MBD5: variants seen among roughly 807,000 people sequenced by gnomAD.
MBD5 encodes methyl-CpG binding domain protein 5.
MBD5 carries 13 observed loss-of-function variants against 117.3 expected under a neutral mutation model. The observed-to-expected ratio is 0.11, with a 90% CI of 0.07 to 0.18. The LOEUF is 0.18. MBD5 is among the 10% of genes least tolerant of loss of function. The pLI, the probability that MBD5 is intolerant of heterozygous loss-of-function variation, is 1.00. For synonymous variants in MBD5, 727 were observed against 766.4 expected, an observed-to-expected ratio of 0.95 and a Z score of 0.85; for missense variants, 1,879 against 2,093.8, an observed-to-expected ratio of 0.90 and a Z score of 2.00.
In MBD5 at chr2:148,469,192, A is replaced by C; in HGVS notation, c.1249A>C (p.Met417Leu). The change falls in exon 8 of 14, where the codon ATG becomes CTG. Residue 417 changes from methionine to leucine, a missense_variant. By Grantham distance (15) the Met-to-Leu change is conservative. Coordinates refer to ENST00000642680, the MANE Select transcript of MBD5 (RefSeq NM_001378120.1). ...LPLPTVKPGH[M>L]NHGSHVQRVQ... ...ATTGCCAACTGTAAAACCTGGTCAC[A>C]TGAATCATGGGAGTCATGTACAAAG... 6.2e-7 allele frequency: 1 copy of C among 1,614,038 alleles called. No homozygotes were observed. Among genetic ancestry groups the C allele is most frequent in the Non-Finnish European group, 8.5e-7 (1 of 1,179,970 alleles).
intron 8 of MBD5, chr2:148,470,733 C>T: frequency 2.1e-6 from 1 of 466,992 alleles, no homozygotes; most frequent in East Asian, 3.4e-5. Flanking sequence ...GTTTTATAAC[C>T]ATTGGACTCC....
At chr2:148,428,815 C>G (rs1705892756) in intron 4 of MBD5, among the ~76,000 whole-genome samples, 1 of 152,100 alleles carries the variant, frequency 6.6e-6, no homozygotes, top group South Asian at 2.1e-4. Flanking sequence ...AAACTGGACC[C>G]CTTCCTTATA....
chr2:148,301,752 A>G (rs1240279833), intron 3 of MBD5, among the ~76,000 whole-genome samples: 1 of 152,214 alleles, frequency 6.6e-6, no homozygotes, highest in Non-Finnish European at 1.5e-5. Context: ...ACACGTGCTC[A>G]CTTGAGGCAT....
chr2:148,411,351 G>T (rs1305396653), intron 4 of MBD5, among the ~76,000 whole-genome samples: 1 of 151,994 alleles, frequency 6.6e-6, no homozygotes, highest in Non-Finnish European at 1.5e-5. Flanking sequence ...ATATTCCTTT[G>T]GATATGTACC....
chr2:148,469,884 G>C lies in MBD5; in HGVS notation c.1941G>C (p.Lys647Asn). 1 of 1,613,970 alleles carries C rather than the reference G, an allele frequency of 6.2e-7. No individual in the cohort carries two copies. The highest frequency in any genetic ancestry group is 8.5e-7 in the Non-Finnish European group (1 of 1,179,928). ...GTGGTCGAGCAGCACTAAGAGATAA[G>C]CTGATGTCTCAGCAAAAAGACGCAT... ...GQSGRAALRDKLMSQQKDALR... is the reference protein window; with the variant it reads ...GQSGRAALRDNLMSQQKDALR... Residue 647 changes from lysine (K) to asparagine (N), a missense_variant, in exon 8 of 14, where the codon AAG becomes AAC. This residue lies in a region of MBD5 where 1,666 missense variants were observed against 1,792.2 expected (regional missense o/e 0.93). Coordinates refer to ENST00000642680, the MANE Select transcript of MBD5 (RefSeq NM_001378120.1).
At chr2:148,245,738 C>G (rs1700323079) in intron 3 of MBD5, among the ~76,000 whole-genome samples, 1 of 152,122 alleles carries the variant, frequency 6.6e-6, no homozygotes, top group African/African-American at 2.4e-5. Context: ...CTAACTCTCC[C>G]ACCATTAATC....
At chr2:148,459,349 C>T (rs904250305) in intron 5 of MBD5, among the ~76,000 whole-genome samples, 1 of 151,914 alleles carries the variant, frequency 6.6e-6, no homozygotes, top group South Asian at 2.1e-4. Context: ...TATTTCCTTG[C>T]GTGTAATAGT....
chr2:148,466,317 A>G (rs1707257974), intron 7 of MBD5, among the ~76,000 whole-genome samples: 5 of 152,104 alleles, frequency 3.3e-5, no homozygotes, highest in Admixed American at 3.3e-4. Flanking sequence ...ACAAAACATC[A>G]GCCTGACTTT....
chr2:148,047,878 G>C (rs1203207259), intron 1 of MBD5, among the ~76,000 whole-genome samples: 1 of 152,164 alleles, frequency 6.6e-6, no homozygotes, highest in African/African-American at 2.4e-5. Flanking sequence ...GCAAAGACAC[G>C]AGTTACAAAA....
At chr2:148,293,182 A>G (rs1215912335) in intron 3 of MBD5, among the ~76,000 whole-genome samples, 2 of 149,586 alleles carry the variant, frequency 1.3e-5, no homozygotes, top group Non-Finnish European at 1.5e-5. Flanking sequence ...TTAGCCAGGC[A>G]TGGTGGCATG....
chr2:148,318,168 T>C (rs1234883022), intron 3 of MBD5, among the ~76,000 whole-genome samples: 1 of 152,218 alleles, frequency 6.6e-6, no homozygotes, highest in African/African-American at 2.4e-5. Flanking sequence ...TAAGATGGCA[T>C]CTCATTGTGG....
chr2:148,358,860 A>G (rs1187118018), intron 4 of MBD5, among the ~76,000 whole-genome samples: 1 of 152,094 alleles, frequency 6.6e-6, no homozygotes, highest in Non-Finnish European at 1.5e-5. Context: ...TTCAGAAATA[A>G]TCTAATCTCT....
chr2:148,121,189 C>T (rs1696759730), intron 1 of MBD5, among the ~76,000 whole-genome samples: 1 of 152,042 alleles, frequency 6.6e-6, no homozygotes, highest in Non-Finnish European at 1.5e-5. Context: ...GATTTTAGTG[C>T]CTACCTCTTA....
At chr2:148,331,040 G>A (rs1297934118) in intron 3 of MBD5, among the ~76,000 whole-genome samples, 1 of 152,076 alleles carries the variant, frequency 6.6e-6, no homozygotes, top group Non-Finnish European at 1.5e-5. Context: ...GTCTGTTTTT[G>A]TCATGGTTAC....
chr2:148,228,322 C>G lies in MBD5; in HGVS notation c.-830-4923C>G, dbSNP rs536512871. Among the ~76,000 whole-genome samples the G allele has an allele frequency of 2.7e-3, 418 of 152,170 alleles. 9 individuals carry two copies. The highest frequency in any genetic ancestry group is 0.026 in the Admixed American group (390 of 15,252). ...TTTATTGAGAGTTTTTAGCATGAAG[C>G]ATTGTTGAATTTTGTCAAGGGCCTT... is the stretch of plus-strand genomic sequence containing the variant. On this transcript the variant is annotated intron_variant, in intron 2 of 13. Coordinates refer to ENST00000642680, the MANE Select transcript of MBD5 (RefSeq NM_001378120.1).
intron 3 of MBD5, among the ~76,000 whole-genome samples, chr2:148,247,921 G>A (rs1700375538): frequency 6.6e-6 from 1 of 152,214 alleles, no homozygotes. Context: ...TAAAAACAAT[G>A]TGAAATATAA....
chr2:148,488,071 G>A (rs1681395382), intron 10 of MBD5, among the ~76,000 whole-genome samples: 2 of 152,134 alleles, frequency 1.3e-5, no homozygotes, highest in South Asian at 2.1e-4. Context: ...TTGAGGAAGG[G>A]GCTTGGGATT....
intron 4 of MBD5, among the ~76,000 whole-genome samples, chr2:148,440,451 A>G (rs1706284439): frequency 6.6e-6 from 1 of 152,230 alleles, no homozygotes; most frequent in Non-Finnish European, 1.5e-5. Flanking sequence ...AGTAGATTCT[A>G]TTCGGCCTCC....
At chr2:148,153,453 G>C (rs868380699) in intron 1 of MBD5, among the ~76,000 whole-genome samples, 47 of 122,804 alleles carry the variant, frequency 3.8e-4, no homozygotes, top group Admixed American at 6.2e-4. Flanking sequence ...TCTTTGTGGC[G>C]TTCTCTGTAT....
Sources: allele counts gnomAD v4.1 joint callset (sites outside exome capture counted in the v4.1 genomes callset), GRCh38; gene constraint gnomAD v4.1.1; regional missense constraint gnomAD v4.1.1; transcripts MANE v1.5; gene names NCBI Gene and HGNC (gene_info 2026-07-23, HGNC 2026-07-21).